The following FDPS variants were observed in gnomAD, a reference collection of about 807,000 sequenced individuals.
FDPS encodes the protein farnesyl pyrophosphate synthase.
Under a neutral mutation model 49.5 loss-of-function variants are expected in FDPS, and 29 were observed. The observed-to-expected ratio is 0.59, with a 90% confidence interval of 0.44 to 0.80. FDPS has a LOEUF of 0.80. Ranked by LOEUF, FDPS falls within the 30% of genes least tolerant of loss-of-function variation. The probability of loss-of-function intolerance (pLI) is 0.00; values close to 1 mark genes in which losing one functional copy is unlikely to be tolerated. For synonymous variants in FDPS, 172 were observed against 206.4 expected (o/e 0.83, Z 1.43); for missense variants, 414 against 525.6 (o/e 0.79, Z 2.08).
chr1:155,309,194 C>T (rs2148228919), intron 1 of FDPS: 1 of 152,704 alleles, frequency 6.5e-6, no homozygotes, highest in South Asian at 2.1e-4. Flanking sequence ...GCTGCGAGCC[C>T]TTCTCTCCCG....
rs1225243215 is a variant in FDPS, at chr1:155,317,997, G to A, written c.537G>A (p.Arg179=). 6.2e-7 allele frequency: 1 copy of A among 1,613,896 alleles called. No homozygotes were observed. Among genetic ancestry groups the A allele is most frequent in the South Asian group, 1.1e-5 (1 of 91,052 alleles). Residue 179 remains arginine (R), a synonymous_variant, in exon 5 of 11, where the codon CGG becomes CGA. Transcript: ENST00000368356. ...DDIMDSSLTR[R]GQICWYQKPG... Reference sequence around the variant, plus strand: ...TCATGGATTCATCCCTTACCCGCCGGGGACAGATCTGCTGGTATCAGAAGG... The same window carrying A: ...TCATGGATTCATCCCTTACCCGCCGAGGACAGATCTGCTGGTATCAGAAGG...
chr1:155,313,190 T>G (rs1042847400), intron 4 of FDPS, among the ~76,000 whole-genome samples: 1 of 152,188 alleles, frequency 6.6e-6, no homozygotes, highest in Non-Finnish European at 1.5e-5. Flanking sequence ...ATAGCAACAA[T>G]TGGCTGAAGC....
In FDPS at chr1:155,319,633, A is replaced by C. The variant is rs2229578; in HGVS notation, c.869A>C (p.Glu290Ala). The change falls in exon 9 of 11, where the codon GAG becomes GCG. Residue 290 changes from glutamate (E) to alanine (A), a missense_variant. Transcript: ENST00000368356. ...CAGGCAGGAATTGATGGCGAGAAGG[A>C]GCACGCCAATGCCAAGAAGATCCTG... ...MYMAGIDGEK[E>A]HANAKKILLE... The C allele has an allele frequency of 3.9e-4, 634 of 1,614,166 alleles. 1 individual carries two copies. Among genetic ancestry groups the C allele is most frequent in the Admixed American group, 7.0e-4 (42 of 60,018 alleles).
At chr1:155,309,564 T>G in intron 1 of FDPS, 1 of 471,960 alleles carries the variant, frequency 2.1e-6, no homozygotes, top group East Asian at 3.1e-5. Context: ...AGTTCTAGCC[T>G]GTTTATTGTA....
intron 4 of FDPS, among the ~76,000 whole-genome samples, chr1:155,316,510 G>T (rs1649431565): frequency 6.6e-6 from 1 of 152,052 alleles, no homozygotes; most frequent in Non-Finnish European, 1.5e-5. Flanking sequence ...AGACACGATG[G>T]CTCACGCCTG....
chr1:155,312,522 G>A (rs1170617826), intron 4 of FDPS, 127 bp downstream of exon 4: 6 of 1,051,802 alleles, frequency 5.7e-6, no homozygotes, highest in East Asian at 2.6e-5. Context: ...AGTGTGCTAC[G>A]GCCAAATTTA....
At chr1:155,312,510 CTAG>C in intron 4 of FDPS, 115 bp downstream of exon 4, 1 of 1,222,428 alleles carries the variant, frequency 8.2e-7, no homozygotes, top group Non-Finnish European at 1.2e-6. Context: ...TTCTTTGTCT[CTAG>C]TGTGCTACGG....
In FDPS at chr1:155,312,402, G is replaced by C. The variant is rs1430011140; in HGVS notation, c.480+7G>C. On this transcript the variant is annotated splice_region_variant and intron_variant, in intron 4 of 10. Coordinates refer to ENST00000368356, the MANE Select transcript of FDPS (RefSeq NM_002004.4). ...GGGCTGGTGTGTGGAACTGGTGAGAGGGGTAGGGCAAGGGAGAAGAAGTTT... is the reference window on the plus strand; with the variant it reads ...GGGCTGGTGTGTGGAACTGGTGAGACGGGTAGGGCAAGGGAGAAGAAGTTT... The C allele has an allele frequency of 6.2e-7, 1 of 1,613,550 alleles. No homozygotes were observed. The highest frequency in any genetic ancestry group is 1.1e-5 in the South Asian group (1 of 91,058).
Position 155,319,991 on chromosome 1 carries a change from C to T in FDPS, c.1059+63C>T, listed in dbSNP as rs973166263. 9.5e-6 allele frequency: 15 copies of T among 1,573,006 alleles called. No individual in the cohort carries two copies. In the African/African-American group the frequency reaches 2.0e-4, roughly 21 times the overall value. On this transcript the variant is annotated intron_variant, in intron 10 of 10. Coordinates refer to ENST00000368356, the MANE Select transcript of FDPS (RefSeq NM_002004.4). ...AAAGGGATAGAGCAGTGGTTCTCAA[C>T]TAGAGGCAGTTTTCCTCCCGAGGGG... is the stretch of plus-strand genomic sequence containing the variant.
At chr1:155,311,063 G>A (rs546228933) in intron 3 of FDPS, among the ~76,000 whole-genome samples, 1 of 152,284 alleles carries the variant, frequency 6.6e-6, no homozygotes, top group Admixed American at 6.5e-5. Context: ...TCTTGGCCCG[G>A]CATGGTGGCT....
chr1:155,311,140 C>G (rs1023432057), intron 3 of FDPS, among the ~76,000 whole-genome samples: 1 of 151,948 alleles, frequency 6.6e-6, no homozygotes, highest in Non-Finnish European at 1.5e-5. Context: ...GAGTTCGAGA[C>G]CAGCCTGGTC....
chr1:155,318,785 G>T lies in FDPS; in HGVS notation c.773+32G>T, dbSNP rs773333966. On this transcript the variant is annotated intron_variant, in intron 7 of 10. Transcript: ENST00000368356. This position sits in a 1 kb window ranked among gnomAD's most constrained non-coding sequence, Gnocchi z 4.2. ...GGAGGTGAGGGACAGCGCGAACCATGTCTGGACAGCGAGGGAGGGCTCAGG... is the reference window on the plus strand; with the variant it reads ...GGAGGTGAGGGACAGCGCGAACCATTTCTGGACAGCGAGGGAGGGCTCAGG... 5 of 1,596,134 alleles carry T rather than the reference G, an allele frequency of 3.1e-6. No homozygotes were observed. The highest frequency in any genetic ancestry group is 4.3e-6 in the Non-Finnish European group (5 of 1,163,728).
In FDPS at chr1:155,318,138, T is replaced by G. The variant is rs1649696722; in HGVS notation, c.562-31T>G. On this transcript the variant is annotated intron_variant, in intron 5 of 10. Coordinates refer to ENST00000368356, the MANE Select transcript of FDPS (RefSeq NM_002004.4). The surrounding 1 kb of genome is among the most constrained non-coding windows in gnomAD (Gnocchi z 4.2). ...CTTAGTATGAACCGAGACTAGAGAT[T>G]GATTGCTTGTTTTTCTGTCTGTCAT... 3.1e-6 allele frequency: 5 copies of G among 1,613,862 alleles called. No homozygotes were observed. The highest frequency in any genetic ancestry group is 2.7e-5 in the African/African-American group (2 of 74,884).
At chr1:155,312,165 G>A (rs1482166487) in intron 3 of FDPS, 90 bp from the exon 4 acceptor site, 1 of 1,458,794 alleles carries the variant, frequency 6.9e-7, no homozygotes, top group Non-Finnish European at 9.6e-7. Flanking sequence ...AAAGTTAGGT[G>A]GTGGTTGGAA....
At chr1:155,310,272 C>T (rs1282263752) in intron 3 of FDPS, 67 bp downstream of exon 3, 2 of 1,499,484 alleles carry the variant, frequency 1.3e-6, no homozygotes, top group East Asian at 4.5e-5. Context: ...GTGGCATTCA[C>T]CTGTGGCTTA....
intron 4 of FDPS, 87 bp from the exon 5 acceptor site, chr1:155,317,854 C>A: frequency 2.4e-6 from 3 of 1,237,334 alleles, no homozygotes; most frequent in Non-Finnish European, 3.5e-6. Flanking sequence ...AAAAGCAAAA[C>A]TATATACAGA....
At chr1:155,314,771 T>C (rs1171725444) in intron 4 of FDPS, among the ~76,000 whole-genome samples, 2 of 150,846 alleles carry the variant, frequency 1.3e-5, no homozygotes, top group African/African-American at 4.9e-5. Context: ...CCACTGTGCC[T>C]GGCCTGGGTT....
intron 3 of FDPS, 26 bp from the exon 4 acceptor site, chr1:155,312,229 C>T: frequency 1.2e-6 from 2 of 1,612,474 alleles, no homozygotes; most frequent in African/African-American, 2.7e-5. Context: ...ACCCTGATAC[C>T]CTGTACCTCT....
At position 155,310,045 on chromosome 1, in the gene FDPS, C is replaced by T; in HGVS notation, c.179C>T (p.Ala60Val). ...WCQAWTEEPR[A>V]LCSSLRMNGD... ...TGACTTGTTTTTCTTCTACTTAGAG[C>T]CCTTTGCTCCTCCCTCAGAATGAAC... The change falls in exon 3 of 11, where the codon GCC becomes GTC. Residue 60 changes from alanine to valine, a missense_variant and splice_region_variant. By Grantham distance (64) the Ala-to-Val change is moderately conservative. Transcript: ENST00000368356. The T allele has an allele frequency of 6.2e-7, 1 of 1,613,336 alleles. No individual in the cohort carries two copies. Among genetic ancestry groups the T allele is most frequent in the Non-Finnish European group, 8.5e-7 (1 of 1,180,022 alleles).
Sources: gnomAD v4.1 joint callset for allele counts (sites outside exome capture counted in the v4.1 genomes callset) on GRCh38, gnomAD v4.1.1 for gene constraint, Gnocchi (gnomAD v3.1) non-coding constraint, MANE v1.5 for transcripts, NCBI Gene and HGNC (gene_info 2026-07-23, HGNC 2026-07-21) for gene names.